The following MECR variants were observed in gnomAD, a reference collection of about 807,000 sequenced individuals.
MECR encodes mitochondrial trans-2-enoyl-CoA reductase.
A neutral mutation model predicts 49.1 loss-of-function variants in MECR; 37 were observed. The observed-to-expected ratio is 0.75, with a 90% CI of 0.58 to 0.99. The LOEUF (loss-of-function observed/expected upper bound fraction) is 0.99. Ranked by LOEUF, MECR falls within the 50% of genes least tolerant of loss-of-function variation. The pLI is 0.00. For synonymous variants in MECR, 198 were observed against 191.1 expected (o/e 1.04, Z -0.30); for missense variants, 470 against 479.6 (o/e 0.98, Z 0.19).
intron 3 of MECR, among the ~76,000 whole-genome samples, chr1:29,214,852 C>T (rs749689180): frequency 3.9e-5 from 6 of 152,178 alleles, no homozygotes; most frequent in Non-Finnish European, 5.9e-5. Flanking sequence ...AATACCTGCC[C>T]TGCTTCCCTC....
the MECR span, among the ~76,000 whole-genome samples, chr1:29,175,660 A>G: frequency 8.4e-6 from 1 of 119,534 alleles, no homozygotes; most frequent in Non-Finnish European, 1.6e-5. Context: ...GCGCCACTGC[A>G]CTCCAGCCTG....
chr1:29,228,924 G>T (rs1052449812), intron 1 of MECR: 1 of 152,178 alleles, frequency 6.6e-6, no homozygotes, highest in Middle Eastern at 3.2e-3. Flanking sequence ...CTACAAGTCC[G>T]TGGGAGAGAC....
At chr1:29,209,587 T>C (rs555169309) in intron 3 of MECR, among the ~76,000 whole-genome samples, 52 of 152,032 alleles carry the variant, frequency 3.4e-4, no homozygotes, top group Non-Finnish European at 6.8e-4. Context: ...GAACAGAAGA[T>C]GGATTTGAGT....
intron 7 of MECR, 56 bp from the exon 8 acceptor site, chr1:29,196,314 T>C: frequency 6.7e-7 from 1 of 1,491,706 alleles, no homozygotes; most frequent in African/African-American, 1.4e-5. Context: ...GAGCCCTTCC[T>C]GAACCTGCCA....
chr1:29,194,394 C>T (rs531149005), intron 9 of MECR, among the ~76,000 whole-genome samples: 49 of 152,252 alleles, frequency 3.2e-4, no homozygotes, highest in African/African-American at 1.1e-3. Context: ...AACATAGGAG[C>T]GGCTCTAGGG....
rs1403043105 is a variant in MECR, at chr1:29,201,328, C to T, written c.756+615G>A. ...TGCTCTTGAGTGTGTGTCTTTGGTT[C>T]CTCCAGATGGTTCAGTGAAAAGGGG... On this transcript the variant is annotated intron_variant, in intron 6 of 9. Transcript: ENST00000263702. This position sits in a 1 kb window ranked among gnomAD's most constrained non-coding sequence, Gnocchi z 4.3. The T allele has an allele frequency of 1.9e-6, 1 of 515,794 alleles. No homozygotes were observed. The highest frequency in any genetic ancestry group is 1.5e-5 in the South Asian group (1 of 68,456). 32.0% of individuals were successfully genotyped at this position (515,794 alleles called of 1,614,324 possible).
chr1:29,218,084 G>T (rs1312833804), intron 1 of MECR, among the ~76,000 whole-genome samples: 1 of 146,854 alleles, frequency 6.8e-6, no homozygotes, highest in Non-Finnish European at 1.6e-5. Flanking sequence ...CCTCTTCCAT[G>T]TTAAGTGGTA....
chr1:29,178,988 A>G, the MECR span, among the ~76,000 whole-genome samples: 2 of 152,132 alleles, frequency 1.3e-5, no homozygotes, highest in East Asian at 3.9e-4. Flanking sequence ...TTGACTTTCA[A>G]TGACATTTCA....
At chr1:29,192,599 T>C (rs988201387), downstream of MECR, among the ~76,000 whole-genome samples, 3 of 152,182 alleles carry the variant, frequency 2.0e-5, no homozygotes, top group Admixed American at 6.5e-5. Context: ...AAATACGTCC[T>C]GAATGAGGCT....
chr1:29,203,096 A>G (rs1336986025), intron 5 of MECR, 35 bp downstream of exon 5: 1 of 1,513,280 alleles, frequency 6.6e-7, no homozygotes, highest in East Asian at 2.5e-5. Flanking sequence ...AAGACCCAAG[A>G]CATGGTCTGG....
chr1:29,189,468 C>T (rs2151834589), downstream of MECR, among the ~76,000 whole-genome samples: 1 of 152,276 alleles, frequency 6.6e-6, no homozygotes, highest in East Asian at 1.9e-4. Context: ...CCGCCTCAGC[C>T]TCCCAAAGTG....
the MECR span, chr1:29,181,719 G>T: frequency 6.3e-7 from 1 of 1,594,160 alleles, no homozygotes; most frequent in East Asian, 2.4e-5. Flanking sequence ...TCCCGGGCCT[G>T]GTAGCTCAGG....
At chr1:29,206,619 A>C (rs1287793857) in intron 4 of MECR, 143 bp downstream of exon 4, 2 of 928,282 alleles carry the variant, frequency 2.2e-6, no homozygotes, top group Non-Finnish European at 3.2e-6. Flanking sequence ...TTCTAAGTGA[A>C]AGCAACAACA....
chr1:29,190,471 G>A (rs1167487264), downstream of MECR, among the ~76,000 whole-genome samples: 2 of 151,702 alleles, frequency 1.3e-5, no homozygotes, highest in African/African-American at 4.8e-5. Context: ...GGAAGAAAAA[G>A]GTACAGGATG....
the MECR span, among the ~76,000 whole-genome samples, chr1:29,178,805 C>T: frequency 2.0e-5 from 3 of 152,212 alleles, no homozygotes; most frequent in African/African-American, 7.2e-5. Context: ...GACTCTCCAG[C>T]GTTTTTGCCA....
chr1:29,193,999 T>TC lies in MECR; in HGVS notation c.*22dup. On this transcript the variant is annotated 3_prime_UTR_variant, in exon 10 of 10. Transcript: ENST00000263702. The stretch of plus-strand genomic sequence containing the variant: ...CCTCAGATCCGCCTCCCCTCCCATG[T>TC]CACTCCAGCTCTTTTGGGATGATCA... 3 of 1,613,646 alleles carry TC rather than the reference T, an allele frequency of 1.9e-6. No individual in the cohort carries two copies. The highest frequency in any genetic ancestry group is 2.5e-6 in the Non-Finnish European group (3 of 1,179,916).
At chr1:29,224,833 G>A (rs984809945) in intron 1 of MECR, 3 of 152,234 alleles carry the variant, frequency 2.0e-5, no homozygotes, top group Non-Finnish European at 4.4e-5. Context: ...GGTTCACCTT[G>A]TGTCATCTTT....
At chr1:29,171,743 T>C in the MECR span, 3 of 152,094 alleles carry the variant, frequency 2.0e-5, no homozygotes, top group African/African-American at 7.2e-5. Context: ...AAAAAAATAC[T>C]AGAAACCCAA....
intron 9 of MECR, among the ~76,000 whole-genome samples, 191 bp from the exon 10 acceptor site, chr1:29,194,370 G>C (rs528578002): frequency 1.3e-5 from 2 of 152,324 alleles, no homozygotes; most frequent in East Asian, 3.9e-4. Flanking sequence ...GTGAGGTCAA[G>C]GTGGGGAGAG....
Sources: gnomAD v4.1 joint callset for allele counts (sites outside exome capture counted in the v4.1 genomes callset) on GRCh38, gnomAD v4.1.1 for gene constraint, Gnocchi (gnomAD v3.1) non-coding constraint, MANE v1.5 for transcripts, NCBI Gene and HGNC (gene_info 2026-07-23, HGNC 2026-07-21) for gene names.